The following MAGI2 variants were observed in gnomAD, a reference collection of about 807,000 sequenced individuals.
MAGI2 encodes membrane-associated guanylate kinase, WW and PDZ domain-containing protein 2.
A neutral mutation model predicts 133.3 loss-of-function variants in MAGI2; 35 were observed. The ratio of observed to expected loss-of-function variants is 0.26; its 90% CI spans 0.20 to 0.35. The LOEUF (loss-of-function observed/expected upper bound fraction) is 0.35. MAGI2 is among the 10% of genes least tolerant of loss of function. The pLI is 1.00. For missense variants in MAGI2, 1,636 were observed against 1,863.4 expected (o/e 0.88, Z 2.25); for synonymous variants, 729 against 710.6 (o/e 1.03, Z -0.41).
chr7:78,532,264 G>A (rs1797533202), intron 3 of MAGI2, among the ~76,000 whole-genome samples: 1 of 152,166 alleles, frequency 6.6e-6, no homozygotes, highest in South Asian at 2.1e-4. Flanking sequence ...AGAAAGCCCT[G>A]AATTGACAAT....
intron 6 of MAGI2, among the ~76,000 whole-genome samples, chr7:78,427,641 A>G (rs2151423383): frequency 6.7e-6 from 1 of 149,478 alleles, no homozygotes; most frequent in African/African-American, 2.5e-5. Flanking sequence ...TCTTTCAGTA[A>G]CTGAGAGAAC....
At chr7:78,658,895 G>A (rs181400533) in intron 2 of MAGI2, among the ~76,000 whole-genome samples, 49 of 152,184 alleles carry the variant, frequency 3.2e-4, no homozygotes, top group African/African-American at 9.4e-4. Context: ...CAAATTGATC[G>A]TTCTCTAAAC....
intron 3 of MAGI2, among the ~76,000 whole-genome samples, chr7:78,602,318 C>A (rs1805291487): frequency 6.6e-6 from 1 of 151,732 alleles, no homozygotes; most frequent in African/African-American, 2.4e-5. Context: ...CGCCACCATG[C>A]CCAGATAATT....
chr7:79,140,582 C>A (rs1319689073), intron 1 of MAGI2, among the ~76,000 whole-genome samples: 2 of 152,010 alleles, frequency 1.3e-5, no homozygotes, highest in African/African-American at 2.4e-5. Context: ...AAATCTGACC[C>A]CACGATTAAT....
intron 2 of MAGI2, among the ~76,000 whole-genome samples, chr7:78,830,346 A>G (rs1275899216): frequency 6.6e-6 from 1 of 152,164 alleles, no homozygotes; most frequent in African/African-American, 2.4e-5. Context: ...TGTTTATACA[A>G]CAAACAGCTT....
At chr7:79,242,395 C>A (rs1239499272) in intron 1 of MAGI2, among the ~76,000 whole-genome samples, 4 of 152,104 alleles carry the variant, frequency 2.6e-5, no homozygotes, top group African/African-American at 9.7e-5. Context: ...AGGTGATCAA[C>A]ATATTCTTCT....
Position 79,078,991 on chromosome 7 carries a change from A to G in MAGI2, c.302-71785T>C, listed in dbSNP as rs563266133. On this transcript the variant is annotated intron_variant, in intron 1 of 21. Coordinates refer to ENST00000354212, the MANE Select transcript of MAGI2 (RefSeq NM_012301.4). The stretch of plus-strand genomic sequence containing the variant: ...TACTCAATCTTTCATAGATAAATAC[A>G]TTTTTAATGCACAGCTAGTATCTTG... 4.5e-4 allele frequency among the ~76,000 whole-genome samples: 68 copies of G among 152,234 alleles called. 5 individuals are homozygous for G. The South Asian group carries it at 0.014, about 31-fold the overall frequency.
chr7:78,771,859 T>C (rs1825616302), intron 2 of MAGI2, among the ~76,000 whole-genome samples: 2 of 152,340 alleles, frequency 1.3e-5, no homozygotes, highest in South Asian at 4.1e-4. Flanking sequence ...GGAACTAGAT[T>C]CAATAATGAG....
Position 78,630,614 on chromosome 7 carries a change from A to G in MAGI2, c.419-3375T>C, listed in dbSNP as rs113487419. Among the ~76,000 whole-genome samples the G allele has an allele frequency of 3.9e-3, 594 of 151,554 alleles. 7 individuals are homozygous for G. The highest frequency in any genetic ancestry group is 0.014 in the African/African-American group (575 of 41,348). ...GTAGTTTTAGTAGAGACTGGGTTTC[A>G]CTGTGTTGGCCAGGCTGGTCTCAAT... On this transcript the variant is annotated intron_variant, in intron 2 of 21. Transcript: ENST00000354212.
chr7:78,314,441 G>C (rs962310533), intron 9 of MAGI2, among the ~76,000 whole-genome samples: 3 of 152,124 alleles, frequency 2.0e-5, no homozygotes, highest in African/African-American at 7.2e-5. Flanking sequence ...ATCCTGAAAG[G>C]AAGAGGGCAT....
intron 3 of MAGI2, among the ~76,000 whole-genome samples, chr7:78,551,476 GCTTA>G (rs200657022): frequency 0.013 from 1,965 of 152,174 alleles, 22 homozygotes; most frequent in African/African-American, 0.035. Flanking sequence ...CTTATTGCTT[GCTTA>G]CTTAAAATGT....
At chr7:79,093,714 C>CTTTTTTTTTTT (rs369075503) in intron 1 of MAGI2, among the ~76,000 whole-genome samples, 1 of 113,298 alleles carries the variant, frequency 8.8e-6, no homozygotes, top group Non-Finnish European at 1.8e-5. Flanking sequence ...CTTTTCTTTT[C>CTTTTTTTTTTT]TTTTTTTTTT....
chr7:79,434,299 C>T (rs1029155108), intron 1 of MAGI2, among the ~76,000 whole-genome samples: 3 of 152,120 alleles, frequency 2.0e-5, no homozygotes, highest in Admixed American at 2.0e-4. Context: ...TAGCTTTCCA[C>T]AGAGCTCATA....
At chr7:78,558,579 C>T (rs1304299036) in intron 3 of MAGI2, among the ~76,000 whole-genome samples, 1 of 152,150 alleles carries the variant, frequency 6.6e-6, no homozygotes, top group African/African-American at 2.4e-5. Context: ...TGAAACTAAC[C>T]TAAAGCCCTA....
chr7:78,628,794 T>C (rs1330942426), intron 2 of MAGI2, among the ~76,000 whole-genome samples: 1 of 147,900 alleles, frequency 6.8e-6, no homozygotes, highest in African/African-American at 2.5e-5. Flanking sequence ...TATTGTCAAG[T>C]TAATGTTTCT....
intron 2 of MAGI2, among the ~76,000 whole-genome samples, chr7:78,793,189 G>T (rs1160689633): frequency 6.6e-6 from 1 of 152,216 alleles, no homozygotes; most frequent in African/African-American, 2.4e-5. Context: ...CTGAATCCCA[G>T]AGAGAGGGGT....
intron 1 of MAGI2, among the ~76,000 whole-genome samples, chr7:79,363,716 T>A (rs3884514): frequency 0.15 from 22,475 of 148,436 alleles, 1,873 homozygotes; most frequent in East Asian, 0.29. Flanking sequence ...AAAACAGAAT[T>A]GCATCAAACT....
At chr7:78,737,809 TAGTA>T (rs1257821113) in intron 2 of MAGI2, among the ~76,000 whole-genome samples, 4 of 152,148 alleles carry the variant, frequency 2.6e-5, no homozygotes, top group Non-Finnish European at 4.4e-5. Flanking sequence ...ATTTCAAACA[TAGTA>T]AGTATTAACA....
At chr7:78,871,696 C>T (rs1001091720) in intron 2 of MAGI2, among the ~76,000 whole-genome samples, 7 of 151,610 alleles carry the variant, frequency 4.6e-5, no homozygotes, top group Middle Eastern at 3.4e-3. Flanking sequence ...ACCTAACTTA[C>T]GTAAGAGAGA....
Sources: gnomAD v4.1 joint callset for allele counts (sites outside exome capture counted in the v4.1 genomes callset) on GRCh38, gnomAD v4.1.1 for gene constraint, MANE v1.5 for transcripts, NCBI Gene and HGNC (gene_info 2026-07-23, HGNC 2026-07-21) for gene names.